SH3D19: variants seen among roughly 807,000 people sequenced by gnomAD.
SH3D19 encodes the protein SH3 domain containing 19, also known as SH3 domain-containing protein 19.
SH3D19 carries 58 observed loss-of-function variants against 112.1 expected under a neutral mutation model. That is an observed-to-expected ratio of 0.52 (90% CI 0.42 to 0.64). The LOEUF is 0.64. Ranked by LOEUF, SH3D19 falls within the 30% of genes least tolerant of loss-of-function variation. The pLI, the probability that SH3D19 is intolerant of heterozygous loss-of-function variation, is 0.00. For synonymous variants in SH3D19, 391 were observed against 448.5 expected, an observed-to-expected ratio of 0.87 and a Z score of 1.62; for missense variants, 1,090 against 1,263.4, an observed-to-expected ratio of 0.86 and a Z score of 2.08.
chr4:151,270,919 G>T (rs1381181059), intron 1 of SH3D19, among the ~76,000 whole-genome samples: 3 of 152,114 alleles, frequency 2.0e-5, no homozygotes, highest in African/African-American at 7.2e-5. Flanking sequence ...ACGTACTAGA[G>T]AAGTCAATTA....
intron 1 of SH3D19, among the ~76,000 whole-genome samples, chr4:151,258,592 A>G (rs1010926695): frequency 6.6e-6 from 1 of 151,636 alleles, no homozygotes; most frequent in South Asian, 2.1e-4. Context: ...CCTTTTTCTT[A>G]CCTCCCATCA....
At chr4:151,258,755 G>A (rs1772138428) in intron 1 of SH3D19, among the ~76,000 whole-genome samples, 1 of 152,172 alleles carries the variant, frequency 6.6e-6, no homozygotes, top group African/African-American at 2.4e-5. Context: ...AGGAGAGGAG[G>A]GGGTGAAGCA....
At chr4:151,133,362 TTTGAAATTATTCCATG>T in intron 15 of SH3D19, 126 bp from the exon 16 acceptor site, 1 of 732,596 alleles carries the variant, frequency 1.4e-6, no homozygotes, top group Non-Finnish European at 2.2e-6. Context: ...ACTAGGCTAA[TTTGAAATTATTCCATG>T]AAAAAGAGTA....
intron 1 of SH3D19, among the ~76,000 whole-genome samples, chr4:151,253,743 A>G (rs2149980011): frequency 1.9e-5 from 1 of 53,856 alleles, no homozygotes; most frequent in Non-Finnish European, 5.1e-5. Context: ...TCCGTCTCAA[A>G]AAAAAAAAAA....
In SH3D19 at chr4:151,131,485, TTC is replaced by T. The variant is rs990723849; in HGVS notation, c.2742+844_2742+845del. Among the ~76,000 whole-genome samples, 50 of 145,622 alleles carry T rather than the reference TTC, an allele frequency of 3.4e-4. 1 individual carries two copies. The East Asian group carries it at 4.4e-3, about 13-fold the overall frequency. ...GGTATCTCTTTTATGAATTCTTTTT[TTC>T]TTTTTTTCTTTTTTTTTGAGGCAGA... On this transcript the variant is annotated intron_variant, in intron 17 of 19. Coordinates refer to ENST00000604030, the MANE Select transcript of SH3D19 (RefSeq NM_001378122.1).
intron 1 of SH3D19, among the ~76,000 whole-genome samples, chr4:151,240,136 G>A (rs1339785570): frequency 6.6e-6 from 1 of 152,044 alleles, no homozygotes; most frequent in Non-Finnish European, 1.5e-5. Flanking sequence ...TGGGCACAAT[G>A]TTATGGGCCT....
At position 151,273,589 on chromosome 4, in the gene SH3D19, CAAA is replaced by C. The variant is rs60600816; in HGVS notation, c.113-47506_113-47504del. ...TGGGCGACAGAGCGAGACTCCATCT[CAAA>C]AAAAAAAAAAAAAAAAAAAAAAGAA... On this transcript the variant is annotated intron_variant, in intron 1 of 19. Coordinates refer to ENST00000604030, the MANE Select transcript of SH3D19 (RefSeq NM_001378122.1). 7.1e-3 allele frequency among the ~76,000 whole-genome samples: 459 copies of C among 64,604 alleles called. 2 individuals carry two copies. The highest frequency in any genetic ancestry group is 0.034 in the African/African-American group (419 of 12,350). 42.4% of individuals were successfully genotyped at this position (64,604 alleles called of 152,430 possible).
chr4:151,248,928 CTAAGT>C (rs766514547), intron 1 of SH3D19, among the ~76,000 whole-genome samples: 3 of 152,116 alleles, frequency 2.0e-5, no homozygotes, highest in Admixed American at 6.5e-5. Flanking sequence ...ACTAAAGTAA[CTAAGT>C]TAAGTTTTTC....
intron 12 of SH3D19, chr4:151,140,148 T>C: frequency 3.5e-6 from 1 of 286,650 alleles, no homozygotes; most frequent in Non-Finnish European, 6.6e-6. Context: ...TTTGAAACAG[T>C]ATCTATTCTA....
chr4:151,186,042 G>C (rs1761719483), intron 3 of SH3D19, among the ~76,000 whole-genome samples: 1 of 152,066 alleles, frequency 6.6e-6, no homozygotes, highest in Admixed American at 6.5e-5. Context: ...CATGTATCGG[G>C]GGGGAAAAAC....
At chr4:151,151,240 C>A (rs564900686) in intron 9 of SH3D19, among the ~76,000 whole-genome samples, 1 of 152,254 alleles carries the variant, frequency 6.6e-6, no homozygotes, top group African/African-American at 2.4e-5. Context: ...GGATTACACG[C>A]GTGAGCCACC....
chr4:151,315,797 A>G (rs939075395), intron 1 of SH3D19, among the ~76,000 whole-genome samples: 2 of 152,146 alleles, frequency 1.3e-5, no homozygotes, highest in Admixed American at 1.3e-4. Context: ...ACAAAAAAAA[A>G]GGTCTCTTTC....
At chr4:151,233,304 C>A (rs1769757689) in intron 1 of SH3D19, among the ~76,000 whole-genome samples, 1 of 151,940 alleles carries the variant, frequency 6.6e-6, no homozygotes. Context: ...TTTGAATGAT[C>A]CTGAAACCAG....
intron 3 of SH3D19, among the ~76,000 whole-genome samples, chr4:151,180,455 G>T (rs1760697808): frequency 7.5e-6 from 1 of 132,604 alleles, no homozygotes. Flanking sequence ...CGCCCAGGCT[G>T]GAGTGCAGTG....
rs1260585308 is a variant in SH3D19 at position 151,137,803 on chromosome 4, C to T, written c.2356G>A (p.Asp786Asn). The change falls in exon 14 of 20, where the codon GAT (aspartate) becomes AAT (asparagine). Residue 786 changes from aspartate (D) to asparagine (N), a missense_variant. Physicochemically the swap from Asp to Asn is conservative, Grantham distance 23 (BLOSUM62 1). Coordinates refer to ENST00000604030, the MANE Select transcript of SH3D19 (RefSeq NM_001378122.1). ...GEIVYLLEKI[D>N]TDWYRGNCRN... is the part of the protein sequence containing the mutation. ...CAGTTCCCTCTGTACCAATCTGTATCTATCTTCTCCAGAAGATAAACAATT... is the reference window on the plus strand; with the variant it reads ...CAGTTCCCTCTGTACCAATCTGTATTTATCTTCTCCAGAAGATAAACAATT... 4 of 1,609,316 alleles carry T rather than the reference C, an allele frequency of 2.5e-6. No individual in the cohort carries two copies. In the Admixed American group the frequency reaches 5.0e-5, roughly 20 times the overall value.
intron 18 of SH3D19, among the ~76,000 whole-genome samples, 180 bp downstream of exon 18, chr4:151,127,990 A>G (rs575283777): frequency 3.9e-5 from 6 of 152,364 alleles, no homozygotes; most frequent in East Asian, 3.9e-4. Flanking sequence ...TGAAGACATT[A>G]TCTTTTTTTT....
chr4:151,142,579 C>T (rs1207821326), intron 12 of SH3D19, among the ~76,000 whole-genome samples: 1 of 152,106 alleles, frequency 6.6e-6, no homozygotes, highest in African/African-American at 2.4e-5. Context: ...GGAAGGGGAA[C>T]CAAATTCCAC....
intron 7 of SH3D19, among the ~76,000 whole-genome samples, chr4:151,167,060 C>T (rs1425695453): frequency 6.6e-6 from 1 of 150,904 alleles, no homozygotes; most frequent in African/African-American, 2.4e-5. Context: ...TATTATGCTA[C>T]TGAGGAAAAA....
chr4:151,228,069 TAC>T (rs987865137), intron 1 of SH3D19: 1 of 983,534 alleles, frequency 1.0e-6, no homozygotes, highest in Non-Finnish European at 1.2e-6. Context: ...CAGGAAATTC[TAC>T]AGTCATTTTT....
Sources: gnomAD v4.1 joint callset for allele counts (sites outside exome capture counted in the v4.1 genomes callset) on GRCh38, gnomAD v4.1.1 for gene constraint, MANE v1.5 for transcripts, NCBI Gene and HGNC (gene_info 2026-07-23, HGNC 2026-07-21) for gene names.